Variants in CSNK1G2 observed in about 807,000 individuals in gnomAD.
CSNK1G2 encodes casein kinase 1 gamma 2.
Under a neutral mutation model 48.0 loss-of-function variants are expected in CSNK1G2, and 11 were observed. That is an observed-to-expected ratio of 0.23 (90% CI 0.14 to 0.38). CSNK1G2 has a LOEUF of 0.38. CSNK1G2 is among the 10% of genes least tolerant of loss of function. The pLI is 1.00. For missense variants in CSNK1G2, 446 were observed against 595.5 expected, an observed-to-expected ratio of 0.75 and a Z score of 2.61; for synonymous variants, 337 against 254.1, an observed-to-expected ratio of 1.33 and a Z score of -3.10.
rs919041682 is a variant in CSNK1G2, at chr19:1,941,209, G to GGCGCGGCGGA, written c.-466_-457dup. ...CGTAAGGCGCGCGGGCCCCGGAGCG[G>GGCGCGGCGGA]GCGCGGCGGAGCGCGGCGAGCCCGG... On this transcript the variant is annotated 5_prime_UTR_variant, in exon 1 of 12. Transcript: ENST00000255641. 88 of 146,328 alleles carry GGCGCGGCGGA rather than the reference G, an allele frequency of 6.0e-4. No homozygotes were observed. Among genetic ancestry groups the GGCGCGGCGGA allele is most frequent in the African/African-American group, 2.1e-3 (85 of 40,940 alleles). 9.1% of individuals were successfully genotyped at this position (146,328 alleles called of 1,614,324 possible). A position where few individuals can be genotyped will look rare whatever the true frequency, so the allele number is the denominator to read the frequency against.
intron 1 of CSNK1G2, chr19:1,953,434 G>A (rs2014856240): frequency 1.9e-6 from 1 of 534,582 alleles, no homozygotes; most frequent in Non-Finnish European, 3.8e-6. Flanking sequence ...TGATGCAGAT[G>A]TGTCCACTTT....
intron 1 of CSNK1G2, among the ~76,000 whole-genome samples, chr19:1,947,956 C>A (rs959056417): frequency 2.1e-4 from 4 of 19,250 alleles, no homozygotes; most frequent in Non-Finnish European, 3.1e-4. Flanking sequence ...CCCCATGAGT[C>A]AGCTCGTCCT....
In CSNK1G2 at chr19:1,970,757, C is replaced by T. The variant is rs144015315; in HGVS notation, c.187+798C>T. Among the ~76,000 whole-genome samples the T allele has an allele frequency of 9.5e-4, 144 of 152,294 alleles. 2 individuals are homozygous for T. The highest frequency in any genetic ancestry group is 3.4e-3 in the African/African-American group (141 of 41,556). ...TTTGGCGTCTGTTGCTGGGGTTGTC[C>T]GGGGAACCCAGGTGCACCCCCAGTC... On this transcript the variant is annotated intron_variant, in intron 2 of 11. Coordinates refer to ENST00000255641, the MANE Select transcript of CSNK1G2 (RefSeq NM_001319.7).
chr19:1,973,091 C>A (rs2015629416), intron 2 of CSNK1G2, among the ~76,000 whole-genome samples: 1 of 151,770 alleles, frequency 6.6e-6, no homozygotes, highest in African/African-American at 2.4e-5. Context: ...CCACACCCAG[C>A]TAATTTTTTG....
chr19:1,950,347 G>C lies in CSNK1G2; in HGVS notation c.-266+8929G>C, dbSNP rs1332355847. Among the ~76,000 whole-genome samples, 3 of 146,612 alleles carry C rather than the reference G, an allele frequency of 2.0e-5. No individual in the cohort carries two copies. The Admixed American group carries it at 2.1e-4, about 10-fold the overall frequency. On this transcript the variant is annotated intron_variant, in intron 1 of 11. Transcript: ENST00000255641. ...GTAGAGACGGGGTTTCACTGTGTTT[G>C]CCAGGATGGTCTTGATCTCCAGACC...
chr19:1,944,782 C>T lies in CSNK1G2; in HGVS notation c.-266+3364C>T, dbSNP rs193052330. 5.3e-5 allele frequency among the ~76,000 whole-genome samples: 8 copies of T among 152,280 alleles called. No individual in the cohort carries two copies. In the South Asian group the frequency reaches 8.3e-4, roughly 16 times the overall value. ...CCAGAACGGTGTATTCAATGCACTG[C>T]GGGCAGCCCTGCAGCGGGCAGGGAT... On this transcript the variant is annotated intron_variant, in intron 1 of 11. Coordinates refer to ENST00000255641, the MANE Select transcript of CSNK1G2 (RefSeq NM_001319.7).
In CSNK1G2 at chr19:1,978,568, C is replaced by T. The variant is rs372176315; in HGVS notation, c.299-34C>T. On this transcript the variant is annotated intron_variant, in intron 4 of 11. Coordinates refer to ENST00000255641, the MANE Select transcript of CSNK1G2 (RefSeq NM_001319.7). The surrounding 1 kb of genome is among the most constrained non-coding windows in gnomAD (Gnocchi z 7.3). ...TGCGCAGGGGCAGGGAGGGGGCTGCCGCCGCACGCCCGTGCGTCTGTCCTC... is the reference window on the plus strand; with the variant it reads ...TGCGCAGGGGCAGGGAGGGGGCTGCTGCCGCACGCCCGTGCGTCTGTCCTC... The T allele has an allele frequency of 1.0e-5, 16 of 1,572,086 alleles. No individual in the cohort carries two copies. Among genetic ancestry groups the T allele is most frequent in the Middle Eastern group, 1.7e-4 (1 of 5,794 alleles).
At chr19:1,947,804 C>T (rs970505358) in intron 1 of CSNK1G2, among the ~76,000 whole-genome samples, 5 of 152,198 alleles carry the variant, frequency 3.3e-5, no homozygotes, top group Non-Finnish European at 7.3e-5. Flanking sequence ...CAGGCCTGTA[C>T]GCCGTGGAGA....
chr19:1,953,962 CG>C (rs2014884014), intron 1 of CSNK1G2: 1 of 533,772 alleles, frequency 1.9e-6, no homozygotes, highest in African/African-American at 1.9e-5. Flanking sequence ...CTGCCATGGA[CG>C]GGGCCTTCTC....
intron 1 of CSNK1G2, among the ~76,000 whole-genome samples, chr19:1,960,721 C>A (rs184890980): frequency 2.6e-5 from 4 of 152,228 alleles, no homozygotes; most frequent in African/African-American, 9.6e-5. Flanking sequence ...AACCTTGTCT[C>A]TACCAGAAAT....
At chr19:1,973,490 G>A (rs975225733) in intron 2 of CSNK1G2, among the ~76,000 whole-genome samples, 21 of 152,248 alleles carry the variant, frequency 1.4e-4, no homozygotes, top group South Asian at 6.2e-4. Context: ...GATTACAGGC[G>A]TGGGCCACCA....
In CSNK1G2 at chr19:1,960,542, CGT is replaced by C. The variant is rs955245675; in HGVS notation, c.-265-8957_-265-8956del. ...CCCGTGTGCCTGCGCCTGGGGTCTC[CGT>C]GTGTGTGTCTGTGTACACGCATGTG... On this transcript the variant is annotated intron_variant, in intron 1 of 11. Transcript: ENST00000255641. 2.0e-5 allele frequency among the ~76,000 whole-genome samples: 3 copies of C among 152,160 alleles called. No individual in the cohort carries two copies. In the South Asian group the frequency reaches 6.2e-4, roughly 32 times the overall value.
intron 1 of CSNK1G2, among the ~76,000 whole-genome samples, chr19:1,964,496 C>T (rs1400440297): frequency 1.3e-5 from 2 of 151,988 alleles, no homozygotes; most frequent in Admixed American, 1.3e-4. Flanking sequence ...AAGGAGAGGC[C>T]CACCCTCTTC....
chr19:1,949,461 T>C (rs2014685353), intron 1 of CSNK1G2, among the ~76,000 whole-genome samples: 3 of 152,256 alleles, frequency 2.0e-5, no homozygotes, highest in African/African-American at 7.2e-5. Flanking sequence ...ATCCGCGCCA[T>C]GGCCCGCGTC....
At chr19:1,953,877 C>T (rs369487837) in intron 1 of CSNK1G2, 15 of 533,874 alleles carry the variant, frequency 2.8e-5, no homozygotes, top group Non-Finnish European at 5.0e-5. Flanking sequence ...CGACCTGTGA[C>T]GGCTCAGCTG....
intron 1 of CSNK1G2, among the ~76,000 whole-genome samples, chr19:1,946,289 T>TATTTATTTATTTATTATTTATTTATTTA (rs56098852): frequency 9.7e-5 from 14 of 143,874 alleles, no homozygotes; most frequent in South Asian, 2.3e-4. Flanking sequence ...TTTATTTATT[T>TATTTATTTATTTATTATTTATTTATTTA]TTTATTTATT....
At chr19:1,977,935 G>C (rs1040960706) in intron 2 of CSNK1G2, among the ~76,000 whole-genome samples, 1 of 152,060 alleles carries the variant, frequency 6.6e-6, no homozygotes, top group Non-Finnish European at 1.5e-5. Context: ...CGAGGGCCTC[G>C]GGCATGTGGG....
intron 1 of CSNK1G2, among the ~76,000 whole-genome samples, chr19:1,945,117 C>T (rs557427330): frequency 6.6e-6 from 1 of 152,238 alleles, no homozygotes; most frequent in Admixed American, 6.5e-5. Flanking sequence ...TCCGCGGCCC[C>T]TTCTCGCCCT....
chr19:1,956,853 T>A (rs955737949), intron 1 of CSNK1G2, among the ~76,000 whole-genome samples: 2 of 152,116 alleles, frequency 1.3e-5, no homozygotes, highest in East Asian at 3.9e-4. Context: ...GGAGGCTCGT[T>A]CCGGAATTTA....
Sources: allele counts gnomAD v4.1 joint callset (sites outside exome capture counted in the v4.1 genomes callset), GRCh38; gene constraint gnomAD v4.1.1; non-coding constraint Gnocchi (gnomAD v3.1); transcripts MANE v1.5; gene names NCBI Gene and HGNC (gene_info 2026-07-23, HGNC 2026-07-21).